The following ROS1 variants were observed in gnomAD, a reference collection of about 807,000 sequenced individuals.
ROS1 encodes the protein ROS proto-oncogene 1, receptor tyrosine kinase.
A neutral mutation model predicts 273.5 loss-of-function variants in ROS1; 263 were observed. The ratio of observed to expected loss-of-function variants is 0.96; its 90% CI spans 0.87 to 1.06. ROS1 has a LOEUF of 1.06. Among genes scored for constraint, ROS1 ranks in the 50% least tolerant of loss-of-function variants. ROS1 has a pLI of 0.00. For synonymous variants in ROS1, 1,008 were observed against 954.1 expected, an observed-to-expected ratio of 1.06 and a Z score of -1.04; for missense variants, 2,833 against 2,751.1, an observed-to-expected ratio of 1.03 and a Z score of -0.67.
At chr6:117,419,256 A>G (rs1026257234) in intron 1 of ROS1, among the ~76,000 whole-genome samples, 3 of 152,206 alleles carry the variant, frequency 2.0e-5, no homozygotes, top group African/African-American at 4.8e-5. Context: ...CAGGTGTTCA[A>G]TAAATACTGA....
chr6:117,356,073 A>T (rs1779282783), intron 26 of ROS1, among the ~76,000 whole-genome samples: 1 of 152,162 alleles, frequency 6.6e-6, no homozygotes, highest in African/African-American at 2.4e-5. Flanking sequence ...TCGACTTTCG[A>T]ATATTTATTC....
Position 117,356,670 on chromosome 6 carries a change from C to A in ROS1, c.4085G>T (p.Gly1362Val), listed in dbSNP as rs1304190335. The change falls in exon 26 of 44, where the codon GGC becomes GTC. Residue 1362 changes from glycine (G) to valine (V), a missense_variant. Gly to Val is a moderately radical substitution (Grantham distance 109). Coordinates refer to ENST00000368507, the MANE Select transcript of ROS1 (RefSeq NM_001378902.1). ...TGTGATAACTCTCCAACACTGACAGCCTTCCAGATCCATTGCCCAGATCTC... is the reference window on the plus strand; with the variant it reads ...TGTGATAACTCTCCAACACTGACAGACTTCCAGATCCATTGCCCAGATCTC... ...AQEIWAMDLE[G>V]CQCWRVITVP... 10 of 1,613,962 alleles carry A rather than the reference C, an allele frequency of 6.2e-6. No homozygotes were observed. Among genetic ancestry groups the A allele is most frequent in the East Asian group, 2.2e-5 (1 of 44,898 alleles).
At chr6:117,353,570 A>G (rs1779057964) in intron 26 of ROS1, among the ~76,000 whole-genome samples, 1 of 152,228 alleles carries the variant, frequency 6.6e-6, no homozygotes, top group African/African-American at 2.4e-5. Context: ...TATTTTTATC[A>G]GTGGTTTGGA....
intron 17 of ROS1, among the ~76,000 whole-genome samples, chr6:117,382,405 A>G (rs922607415): frequency 2.0e-5 from 3 of 152,128 alleles, no homozygotes; most frequent in Non-Finnish European, 4.4e-5. Context: ...TTTTAAAATC[A>G]TCTGGTATTC....
At chr6:117,363,719 G>A (rs3777971) in intron 21 of ROS1, among the ~76,000 whole-genome samples, 24,456 of 152,088 alleles carry the variant, frequency 0.16, 2,159 homozygotes, top group South Asian at 0.29. Flanking sequence ...AAAAATGCCT[G>A]AGGCAGCTTG....
In ROS1 at chr6:117,353,039, T is replaced by C; in HGVS notation, c.4254A>G (p.Leu1418=). 1 of 1,614,170 alleles carries C rather than the reference T, an allele frequency of 6.2e-7. No homozygotes were observed. The highest frequency in any genetic ancestry group is 1.1e-5 in the South Asian group (1 of 91,078). The change falls in exon 27 of 44, where the codon CTA becomes CTG. Residue 1418 remains leucine, a synonymous_variant. Coordinates refer to ENST00000368507, the MANE Select transcript of ROS1 (RefSeq NM_001378902.1). The part of the protein sequence containing the change: ...NGAIVSQVKA[L]RSRHILAYSS... The stretch of plus-strand genomic sequence containing the variant: ...TGTAAGCCAAGATATGCCTACTCCT[T>C]AGGGCCTTCACCTGGGAAACGATGG...
Position 117,288,461 on chromosome 6 carries a change from A to G in ROS1, c.*31T>C. 3.0e-5 allele frequency: 43 copies of G among 1,436,530 alleles called. No individual in the cohort carries two copies. The highest frequency in any genetic ancestry group is 3.5e-5 in the Non-Finnish European group (36 of 1,037,134). The allele number at this position is 1,436,530 out of a possible 1,614,324, so 89.0% of individuals were successfully genotyped here. On this transcript the variant is annotated 3_prime_UTR_variant, in exon 44 of 44. Coordinates refer to ENST00000368507, the MANE Select transcript of ROS1 (RefSeq NM_001378902.1). ...CAGTAACTACTGAATGAGAGTGTTT[A>G]TCTCAACTCTCTATTTCCCAAACAA...
intron 23 of ROS1, 147 bp from the exon 24 acceptor site, chr6:117,360,158 T>G: frequency 1.3e-6 from 1 of 767,578 alleles, no homozygotes; most frequent in South Asian, 1.8e-5. Context: ...CCTTGTAGGC[T>G]CTCTACCCCT....
intron 16 of ROS1, among the ~76,000 whole-genome samples, chr6:117,384,296 A>G (rs1228417690): frequency 2.0e-5 from 3 of 152,140 alleles, no homozygotes; most frequent in Admixed American, 6.6e-5. Flanking sequence ...TATTTTATAT[A>G]TGTATTTTAT....
chr6:117,329,637 G>A (rs584647), intron 32 of ROS1, among the ~76,000 whole-genome samples, 191 bp from the exon 33 acceptor site: 24,394 of 152,056 alleles, frequency 0.16, 2,052 homozygotes, highest in East Asian at 0.22. Context: ...AAGTGTGTGA[G>A]TCCTTCACCG....
chr6:117,330,253 AGTGGGTGGGGCTTCC>A lies in ROS1; in HGVS notation c.5231-822_5231-808del, dbSNP rs1776983772. 3.9e-5 allele frequency among the ~76,000 whole-genome samples: 6 copies of A among 152,006 alleles called. No homozygotes were observed. In the South Asian group the frequency reaches 1.2e-3, roughly 32 times the overall value. ...GTCTAACCCTCACCCATCCTTCCTC[AGTGGGTGGGGCTTCC>A]CTGCAGAATCTTCAGTAACTGCAGC... On this transcript the variant is annotated intron_variant, in intron 32 of 43. Coordinates refer to ENST00000368507, the MANE Select transcript of ROS1 (RefSeq NM_001378902.1).
rs1355897326 is a variant in ROS1 at position 117,321,257 on chromosome 6, A to G, written c.5759+2T>C. 2 of 1,612,784 alleles carry G rather than the reference A, an allele frequency of 1.2e-6. No individual in the cohort carries two copies. Among genetic ancestry groups the G allele is most frequent in the South Asian group, 1.1e-5 (1 of 90,872 alleles). ...TCCATAATGATGGCCAAAGCTACATACTGTATTGCATAGCAGGCATTAGCC... is the reference window on the plus strand; with the variant it reads ...TCCATAATGATGGCCAAAGCTACATGCTGTATTGCATAGCAGGCATTAGCC... On this transcript the variant is annotated splice_donor_variant, in intron 36 of 43. Transcript: ENST00000368507. LOFTEE classifies it high-confidence loss of function.
chr6:117,424,679 A>G (rs1270139666), intron 1 of ROS1, among the ~76,000 whole-genome samples: 1 of 152,160 alleles, frequency 6.6e-6, no homozygotes, highest in African/African-American at 2.4e-5. Flanking sequence ...AGTGTTTTAA[A>G]CTACAGTTTA....
intron 31 of ROS1, among the ~76,000 whole-genome samples, chr6:117,338,414 C>T (rs531622192): frequency 3.3e-5 from 5 of 151,962 alleles, no homozygotes; most frequent in South Asian, 4.2e-4. Context: ...AGGGACATTG[C>T]CTGCACTAAA....
chr6:117,341,366 T>G (rs1459037186), intron 30 of ROS1, 34 bp downstream of exon 30: 3 of 1,612,094 alleles, frequency 1.9e-6, no homozygotes, highest in Non-Finnish European at 2.5e-6. Flanking sequence ...CACTTGAGAA[T>G]GACAATAAAG....
intron 36 of ROS1, among the ~76,000 whole-genome samples, chr6:117,320,341 T>C (rs1776206735): frequency 6.6e-6 from 1 of 152,140 alleles, no homozygotes; most frequent in African/African-American, 2.4e-5. Flanking sequence ...TAGTAGGTAT[T>C]AACTTCTTCA....
In ROS1 at chr6:117,319,977, T is replaced by C; in HGVS notation, c.5813A>G (p.Lys1938Arg). The change falls in exon 37 of 44, where the codon AAA becomes AGA. Residue 1938 changes from lysine to arginine, a missense_variant. Coordinates refer to ENST00000368507, the MANE Select transcript of ROS1 (RefSeq NM_001378902.1). ...IENLPAFPREKLTLRLLLGSG... is the reference protein window; with the variant it reads ...IENLPAFPRERLTLRLLLGSG... ...TCCCAGCAAGAGACGCAGAGTCAGT[T>C]TTTCCCGAGGGAAGGCAGGAAGATT... The C allele has an allele frequency of 6.2e-7, 1 of 1,613,412 alleles. No homozygotes were observed. The highest frequency in any genetic ancestry group is 8.5e-7 in the Non-Finnish European group (1 of 1,179,606).
intron 27 of ROS1, among the ~76,000 whole-genome samples, chr6:117,347,869 T>G (rs1461254247): frequency 6.6e-6 from 1 of 152,062 alleles, no homozygotes; most frequent in Non-Finnish European, 1.5e-5. Flanking sequence ...TGGACTACAT[T>G]AATTGATTTT....
At chr6:117,372,167 T>C (rs1403192087) in intron 18 of ROS1, among the ~76,000 whole-genome samples, 4 of 152,172 alleles carry the variant, frequency 2.6e-5, no homozygotes, top group Non-Finnish European at 4.4e-5. Context: ...GCTGAAAGCA[T>C]TCCCTCTGAG....
Sources: gnomAD v4.1 joint callset for allele counts (sites outside exome capture counted in the v4.1 genomes callset) on GRCh38, gnomAD v4.1.1 for gene constraint, MANE v1.5 for transcripts, NCBI Gene and HGNC (gene_info 2026-07-23, HGNC 2026-07-21) for gene names.